Variants in SH3RF1 observed in about 807,000 individuals in gnomAD.
SH3RF1 encodes the protein E3 ubiquitin-protein ligase SH3RF1.
In SH3RF1, 32 loss-of-function variants were observed where a neutral mutation model predicts 74.0. The observed-to-expected ratio is 0.43, with a 90% confidence interval of 0.33 to 0.58. The LOEUF is 0.58. Among genes scored for constraint, SH3RF1 ranks in the 20% least tolerant of loss-of-function variants. The pLI, the probability that SH3RF1 is intolerant of heterozygous loss-of-function variation, is 0.05. For synonymous variants in SH3RF1, 396 were observed against 439.6 expected (o/e 0.90, Z 1.24); for missense variants, 954 against 1,130.9 (o/e 0.84, Z 2.24).
chr4:169,196,252 C>T (rs941992544), intron 2 of SH3RF1, among the ~76,000 whole-genome samples: 3 of 152,194 alleles, frequency 2.0e-5, no homozygotes, highest in Admixed American at 2.0e-4. Flanking sequence ...TAAGTCCTCA[C>T]TTAACATCAT....
At chr4:169,253,828 T>C (rs1731142398) in intron 2 of SH3RF1, among the ~76,000 whole-genome samples, 1 of 152,226 alleles carries the variant, frequency 6.6e-6, no homozygotes, top group Non-Finnish European at 1.5e-5. Flanking sequence ...TCAATTTCAT[T>C]TTCCTCTATG....
rs115822074 is a variant in SH3RF1, at chr4:169,097,693, T to C, written c.2499-1006A>G. ...GGTGTATGGTAGCCAACCTCCAAGA[T>C]GGCCCTAGTGATCCTTGCTTCCTGG... On this transcript the variant is annotated intron_variant, in intron 11 of 11. Coordinates refer to ENST00000284637, the MANE Select transcript of SH3RF1 (RefSeq NM_020870.4). Among the ~76,000 whole-genome samples, 1,462 of 152,322 alleles carry C rather than the reference T, an allele frequency of 9.6e-3. 10 individuals are homozygous for C. The highest frequency in any genetic ancestry group is 0.016 in the Non-Finnish European group (1,064 of 68,026).
intron 2 of SH3RF1, among the ~76,000 whole-genome samples, chr4:169,226,200 G>A (rs1314982726): frequency 6.6e-6 from 1 of 152,114 alleles, no homozygotes; most frequent in Admixed American, 6.6e-5. Context: ...AGTACCTTTG[G>A]TAAGTGAATG....
At chr4:169,225,175 G>C (rs1730637768) in intron 2 of SH3RF1, among the ~76,000 whole-genome samples, 1 of 152,138 alleles carries the variant, frequency 6.6e-6, no homozygotes, top group South Asian at 2.1e-4. Flanking sequence ...GGCAACAGAG[G>C]GATGACAGGG....
At chr4:169,251,327 G>C (rs1579163468) in intron 2 of SH3RF1, among the ~76,000 whole-genome samples, 2 of 152,192 alleles carry the variant, frequency 1.3e-5, no homozygotes, top group Non-Finnish European at 2.9e-5. Flanking sequence ...TATACACGCT[G>C]TAACACACAT....
chr4:169,146,728 C>T (rs528925451), intron 4 of SH3RF1, among the ~76,000 whole-genome samples: 104 of 151,840 alleles, frequency 6.8e-4, no homozygotes, highest in African/African-American at 2.3e-3. Flanking sequence ...AGAAGTTTAG[C>T]AGAAGTAAGA....
chr4:169,140,575 G>GTATAAATAAATATGAGATGAAA (rs1733767832), intron 4 of SH3RF1, among the ~76,000 whole-genome samples: 1 of 152,098 alleles, frequency 6.6e-6, no homozygotes, highest in African/African-American at 2.4e-5. Flanking sequence ...GTTATCAGAA[G>GTATAAATAAATATGAGATGAAA]TATAAATAAA....
At chr4:169,159,425 T>C (rs909508716) in intron 2 of SH3RF1, among the ~76,000 whole-genome samples, 1 of 152,214 alleles carries the variant, frequency 6.6e-6, no homozygotes, top group Non-Finnish European at 1.5e-5. Flanking sequence ...GCAAGTACTA[T>C]ACTAAATCTC....
chr4:169,140,415 T>G (rs957010053), intron 4 of SH3RF1, among the ~76,000 whole-genome samples: 1 of 152,188 alleles, frequency 6.6e-6, no homozygotes, highest in Non-Finnish European at 1.5e-5. Context: ...TCCAAGCATT[T>G]GGTAAGGAGC....
At chr4:169,191,826 T>C (rs1424760259) in intron 2 of SH3RF1, among the ~76,000 whole-genome samples, 2 of 152,094 alleles carry the variant, frequency 1.3e-5, no homozygotes, top group Non-Finnish European at 2.9e-5. Flanking sequence ...GCTGTGATAA[T>C]TGGCTGGCCA....
intron 2 of SH3RF1, among the ~76,000 whole-genome samples, chr4:169,242,787 A>G (rs143778857): frequency 3.1e-4 from 47 of 152,274 alleles, no homozygotes; most frequent in African/African-American, 1.0e-3. Flanking sequence ...TTGCTATATG[A>G]TGCCTTCTGC....
At chr4:169,129,231 C>T (rs1323848334) in intron 6 of SH3RF1, among the ~76,000 whole-genome samples, 1 of 152,208 alleles carries the variant, frequency 6.6e-6, no homozygotes, top group Non-Finnish European at 1.5e-5. Flanking sequence ...AGCACTGGAG[C>T]AAATAGAAAA....
At chr4:169,138,482 G>A (rs1733734572) in intron 4 of SH3RF1, among the ~76,000 whole-genome samples, 1 of 152,186 alleles carries the variant, frequency 6.6e-6, no homozygotes, top group African/African-American at 2.4e-5. Flanking sequence ...TAGACACCTA[G>A]AAACAAATCT....
chr4:169,136,544 G>C lies in SH3RF1; in HGVS notation c.842C>G (p.Ser281Trp). The C allele has an allele frequency of 6.2e-7, 1 of 1,607,476 alleles. No individual in the cohort carries two copies. The highest frequency in any genetic ancestry group is 8.5e-7 in the Non-Finnish European group (1 of 1,177,468). ...GGCAGTGCTGCTCTGGGCTGCTGCC[G>C]AGGAACATTCTCCAGCATCAACTCC... ...VPGVDAGECS[S>W]AAAQSSTAPK... The change falls in exon 5 of 12, where the codon TCG becomes TGG. Residue 281 changes from serine to tryptophan, a missense_variant. Transcript: ENST00000284637.
At chr4:169,158,839 T>C (rs1734103571) in intron 2 of SH3RF1, among the ~76,000 whole-genome samples, 1 of 152,224 alleles carries the variant, frequency 6.6e-6, no homozygotes, top group African/African-American at 2.4e-5. Flanking sequence ...CTTAGAGACT[T>C]AGAGTCTGGA....
chr4:169,151,685 C>T (rs1733978996), intron 4 of SH3RF1, among the ~76,000 whole-genome samples: 1 of 152,226 alleles, frequency 6.6e-6, no homozygotes, highest in African/African-American at 2.4e-5. Flanking sequence ...TATGAGGCCA[C>T]TCCAACTTCA....
chr4:169,254,526 C>T (rs945162755), intron 2 of SH3RF1, among the ~76,000 whole-genome samples: 1 of 152,076 alleles, frequency 6.6e-6, no homozygotes, highest in Admixed American at 6.6e-5. Context: ...ATTGCTGACA[C>T]TATCGTAAAG....
Position 169,116,528 on chromosome 4 carries a change from G to A in SH3RF1, c.1880C>T (p.Ser627Leu), listed in dbSNP as rs770018217. The A allele has an allele frequency of 6.8e-6, 11 of 1,613,052 alleles. No individual in the cohort carries two copies. Among genetic ancestry groups the A allele is most frequent in the African/African-American group, 1.3e-5 (1 of 75,046 alleles). Residue 627 changes from serine to leucine, a missense_variant, in exon 10 of 12, where the codon TCG becomes TTG. Ser to Leu is a moderately radical substitution (Grantham distance 145). Transcript: ENST00000284637. Reference sequence around the variant, plus strand: ...AGGCGCAGGTTGTGGGGAGGCCAGCGAGTGATGGGACAGGCCCACAGATGC... The same window carrying A: ...AGGCGCAGGTTGTGGGGAGGCCAGCAAGTGATGGGACAGGCCCACAGATGC... ...SPASVGLSHH[S>L]LASPQPAPLM...
At chr4:169,192,824 ATATAT>A (rs1561049418) in intron 2 of SH3RF1, among the ~76,000 whole-genome samples, 6 of 148,296 alleles carry the variant, frequency 4.0e-5, no homozygotes, top group African/African-American at 9.8e-5. Flanking sequence ...TATGTGATAT[ATATAT>A]CATATAGATG....
Sources: allele counts gnomAD v4.1 joint callset (sites outside exome capture counted in the v4.1 genomes callset), GRCh38; gene constraint gnomAD v4.1.1; transcripts MANE v1.5; gene names NCBI Gene and HGNC (gene_info 2026-07-23, HGNC 2026-07-21).